Variants in RASGEF1C observed in about 807,000 individuals in gnomAD.
The protein encoded by RASGEF1C is ras-GEF domain-containing family member 1C.
A neutral mutation model predicts 58.1 loss-of-function variants in RASGEF1C; 27 were observed. The observed-to-expected ratio is 0.46, with a 90% CI of 0.34 to 0.64. The LOEUF is 0.64. Among genes scored for constraint, RASGEF1C ranks in the 30% least tolerant of loss-of-function variants. The pLI is 0.01. For missense variants in RASGEF1C, 502 were observed against 605.1 expected (o/e 0.83, Z 1.79); for synonymous variants, 243 against 246.3 (o/e 0.99, Z 0.13).
At chr5:180,194,546 C>T (rs1021543481) in intron 1 of RASGEF1C, among the ~76,000 whole-genome samples, 3 of 152,198 alleles carry the variant, frequency 2.0e-5, no homozygotes, top group Non-Finnish European at 4.4e-5. Context: ...TCAAATCCGC[C>T]TTGCGCACGT....
At position 180,170,520 on chromosome 5, in the gene RASGEF1C, G is replaced by A. The variant is rs186627995; in HGVS notation, c.-6-32462C>T. Among the ~76,000 whole-genome samples the A allele has an allele frequency of 1.2e-4, 18 of 152,270 alleles. No individual in the cohort carries two copies. In the East Asian group the frequency reaches 2.7e-3, roughly 23 times the overall value. On this transcript the variant is annotated intron_variant, in intron 1 of 13. Transcript: ENST00000361132. ...GAGGGGTACTGTCCTTCCAGCCCCCGCGCTACGCAGCTGCTGCCTGGTCCT... is the reference window on the plus strand; with the variant it reads ...GAGGGGTACTGTCCTTCCAGCCCCCACGCTACGCAGCTGCTGCCTGGTCCT...
chr5:180,153,920 G>A (rs111925993), intron 1 of RASGEF1C, among the ~76,000 whole-genome samples: 1,653 of 152,250 alleles, frequency 0.011, 10 homozygotes, highest in Middle Eastern at 0.034. Flanking sequence ...CCCAGTCCCC[G>A]TACTCCAAAC....
chr5:180,173,885 C>G (rs527372674), intron 1 of RASGEF1C, among the ~76,000 whole-genome samples: 3 of 145,178 alleles, frequency 2.1e-5, no homozygotes, highest in Non-Finnish European at 3.0e-5. Context: ...TGCACTCCAG[C>G]CTGGGCAACA....
At chr5:180,164,994 A>T (rs1379062015) in intron 1 of RASGEF1C, among the ~76,000 whole-genome samples, 1 of 151,978 alleles carries the variant, frequency 6.6e-6, no homozygotes. Flanking sequence ...TTTGTAAATG[A>T]CCCTTTTATC....
chr5:180,143,682 A>T lies in RASGEF1C; in HGVS notation c.-6-5624T>A, dbSNP rs73813819. Among the ~76,000 whole-genome samples the T allele has an allele frequency of 6.6e-6, 1 of 152,086 alleles. No homozygotes were observed. The highest frequency in any genetic ancestry group is 6.5e-5 in the Admixed American group (1 of 15,272). On this transcript the variant is annotated intron_variant, in intron 1 of 13. Coordinates refer to ENST00000361132, the MANE Select transcript of RASGEF1C (RefSeq NM_175062.4). The surrounding 1 kb of genome is among the most constrained non-coding windows in gnomAD (Gnocchi z 4.3). ...GATTGTAAGGGTGGCAATTAATTCT[A>T]TTTTTTTAAAAAGCCACTGATGGGG... is the stretch of plus-strand genomic sequence containing the variant.
chr5:180,138,163 C>T (rs1766518929), intron 1 of RASGEF1C, 105 bp from the exon 2 acceptor site: 1 of 637,430 alleles, frequency 1.6e-6, no homozygotes, highest in African/African-American at 1.9e-5. Flanking sequence ...GCAGGCTCCC[C>T]CCACAGCCAC....
intron 12 of RASGEF1C, among the ~76,000 whole-genome samples, chr5:180,110,540 A>T (rs1298972707): frequency 2.6e-5 from 4 of 151,676 alleles, no homozygotes; most frequent in African/African-American, 9.7e-5. Flanking sequence ...GGGCCATTCC[A>T]CCCCAGCTCA....
At chr5:180,135,620 C>T (rs750562594) in intron 4 of RASGEF1C, among the ~76,000 whole-genome samples, 5 of 152,194 alleles carry the variant, frequency 3.3e-5, no homozygotes, top group Non-Finnish European at 5.9e-5. Flanking sequence ...GTCCTCCTTT[C>T]GCCCATAAGG....
intron 12 of RASGEF1C, among the ~76,000 whole-genome samples, chr5:180,102,590 G>T (rs1369311965): frequency 6.6e-6 from 1 of 152,208 alleles, no homozygotes; most frequent in African/African-American, 2.4e-5. Flanking sequence ...GGCTTGGGCT[G>T]GGGTTCATGT....
intron 10 of RASGEF1C, among the ~76,000 whole-genome samples, chr5:180,116,927 G>A (rs1766076963): frequency 6.6e-6 from 1 of 152,262 alleles, no homozygotes; most frequent in Non-Finnish European, 1.5e-5. Flanking sequence ...CCTGCAGTGT[G>A]AGTGGACTAG....
chr5:180,118,655 C>T lies in RASGEF1C; in HGVS notation c.1037G>A (p.Arg346His), dbSNP rs765186468. Reference sequence around the variant, plus strand: ...CGTCAGGGAGCGGTGGGCCGCCCCGCGCAGGGCTGTCCTGTAGTTGCAGAA... The same window carrying T: ...CGTCAGGGAGCGGTGGGCCGCCCCGTGCAGGGCTGTCCTGTAGTTGCAGAA... ...GNFCNYRTAL[R>H]GAAHRSLTAH... Residue 346 changes from arginine to histidine, a missense_variant, in exon 10 of 14, where the codon CGC becomes CAC. Transcript: ENST00000361132. 1.2e-5 allele frequency: 20 copies of T among 1,614,002 alleles called. No homozygotes were observed. Among genetic ancestry groups the T allele is most frequent in the East Asian group, 4.5e-5 (2 of 44,880 alleles).
At chr5:180,181,100 G>A (rs1352397793) in intron 1 of RASGEF1C, among the ~76,000 whole-genome samples, 1 of 152,212 alleles carries the variant, frequency 6.6e-6, no homozygotes, top group Non-Finnish European at 1.5e-5. Flanking sequence ...ACGTGGCTGC[G>A]GACTACTAGC....
At chr5:180,182,067 T>C (rs1018433506) in intron 1 of RASGEF1C, among the ~76,000 whole-genome samples, 2 of 151,474 alleles carry the variant, frequency 1.3e-5, no homozygotes, top group Non-Finnish European at 2.9e-5. Flanking sequence ...TAGCCGGGCA[T>C]GGTGGCGGGC....
At chr5:180,185,217 G>A (rs1264191222) in intron 1 of RASGEF1C, among the ~76,000 whole-genome samples, 3 of 151,786 alleles carry the variant, frequency 2.0e-5, no homozygotes, top group East Asian at 1.9e-4. Context: ...GTGTGAACCC[G>A]GGAGGCAGAG....
rs1018681848 is a variant in RASGEF1C, at chr5:180,191,558, G to A, written c.-7+17470C>T. ...TATTTAGTAGAGACGGGATTTCACC[G>A]TGTTAGCCAGGATGGTCTCCATCTC... On this transcript the variant is annotated intron_variant, in intron 1 of 13. Transcript: ENST00000361132. Among the ~76,000 whole-genome samples the A allele has an allele frequency of 5.9e-5, 9 of 151,972 alleles. No individual in the cohort carries two copies. The South Asian group carries it at 6.2e-4, about 11-fold the overall frequency.
chr5:180,101,355 G>GGC lies in RASGEF1C; in HGVS notation c.*145_*146insGC. The GGC allele has an allele frequency of 1.2e-6, 1 of 824,550 alleles. No homozygotes were observed. Among genetic ancestry groups the GGC allele is most frequent in the South Asian group, 1.7e-5 (1 of 58,670 alleles). 51.1% of individuals were successfully genotyped at this position (824,550 alleles called of 1,614,324 possible). A position where few individuals can be genotyped will look rare whatever the true frequency, so the allele number is the denominator to read the frequency against. On this transcript the variant is annotated 3_prime_UTR_variant, in exon 14 of 14. Transcript: ENST00000361132. ...CCTGTGCCCGTATGGCCACTGTGGG[G>GGC]GGGGGGGGGGCGGGCAGCAGGCCAC...
intron 1 of RASGEF1C, among the ~76,000 whole-genome samples, chr5:180,147,650 G>A (rs779882645): frequency 6.7e-4 from 102 of 152,132 alleles, no homozygotes; most frequent in Non-Finnish European, 1.3e-3. Flanking sequence ...TCCTGTCATA[G>A]TTGGAGAGGA....
rs1309611906 is a variant in RASGEF1C at position 180,137,053 on chromosome 5, G to C, written c.300+537C>G. On this transcript the variant is annotated intron_variant, in intron 3 of 13. Transcript: ENST00000361132. This position sits in a 1 kb window ranked among gnomAD's most constrained non-coding sequence, Gnocchi z 4.1. ...CCGAGGGAGGCCAGCCCCGGGAAGC[G>C]GCAGCAGAGGGCGGGAGGGAGACAG... Among the ~76,000 whole-genome samples, 1 of 152,214 alleles carries C rather than the reference G, an allele frequency of 6.6e-6. No homozygotes were observed. The highest frequency in any genetic ancestry group is 2.4e-5 in the African/African-American group (1 of 41,456).
intron 12 of RASGEF1C, among the ~76,000 whole-genome samples, chr5:180,103,215 C>T (rs564577119): frequency 7.9e-5 from 12 of 152,266 alleles, no homozygotes; most frequent in African/African-American, 2.6e-4. Context: ...GTGGCTGGGA[C>T]TACAGGTACC....
Sources: allele counts gnomAD v4.1 joint callset (sites outside exome capture counted in the v4.1 genomes callset), GRCh38; gene constraint gnomAD v4.1.1; non-coding constraint Gnocchi (gnomAD v3.1); transcripts MANE v1.5; gene names NCBI Gene and HGNC (gene_info 2026-07-23, HGNC 2026-07-21).